The following HRC variants were observed in gnomAD, a reference collection of about 807,000 sequenced individuals.
The protein encoded by HRC is histidine rich calcium binding protein, also known as sarcoplasmic reticulum histidine-rich calcium-binding protein.
Under a neutral mutation model 61.4 loss-of-function variants are expected in HRC, and 41 were observed. The ratio of observed to expected loss-of-function variants is 0.67; its 90% CI spans 0.52 to 0.87. HRC has a LOEUF of 0.87. Ranked by LOEUF, HRC falls within the 40% of genes least tolerant of loss-of-function variation. The pLI is 0.00. For missense variants in HRC, 839 were observed against 885.8 expected (o/e 0.95, Z 0.67); for synonymous variants, 308 against 326.6 (o/e 0.94, Z 0.62).
At chr19:49,152,136 C>A (rs2041366786) in intron 3 of HRC, 78 bp from the exon 4 acceptor site, 2 of 1,394,660 alleles carry the variant, frequency 1.4e-6, no homozygotes, top group Non-Finnish European at 2.0e-6. Flanking sequence ...GGGACCAGAC[C>A]CGGACCAGAG....
rs773747345 is a variant in HRC, at chr19:49,151,259, G to C, written c.*37C>G. 1.3e-6 allele frequency: 2 copies of C among 1,517,084 alleles called. No individual in the cohort carries two copies. The highest frequency in any genetic ancestry group is 1.8e-6 in the Non-Finnish European group (2 of 1,123,620). The allele number at this position is 1,517,084 out of a possible 1,614,324, so 94.0% of individuals were successfully genotyped here. On this transcript the variant is annotated 3_prime_UTR_variant, in exon 6 of 6. Coordinates refer to ENST00000252825, the MANE Select transcript of HRC (RefSeq NM_002152.3). ...GCTCGTGGAAAGGGGTTGGAAGGCA[G>C]GGGGAGGTACACCTGCGTCGCAGTC...
Position 49,155,166 on chromosome 19 carries a change from C to G in HRC, c.72G>C (p.Pro24=). The G allele has an allele frequency of 1.2e-6, 2 of 1,613,478 alleles. No individual in the cohort carries two copies. Among genetic ancestry groups the G allele is most frequent in the South Asian group, 1.1e-5 (1 of 91,070 alleles). Residue 24 remains proline, a synonymous_variant, in exon 1 of 6, where the codon CCG becomes CCC. Coordinates refer to ENST00000252825, the MANE Select transcript of HRC (RefSeq NM_002152.3). This position sits in a 1 kb window ranked among gnomAD's most constrained non-coding sequence, Gnocchi z 4.7. ...WAGVASLLLP[P]AMTQQLRGDG... is the part of the protein sequence containing the mutation. Reference sequence around the variant, plus strand: ...CCCCTCTGAGCTGCTGGGTCATGGCCGGGGGGAGGAGCAGGCTGGCCACCC... The same window carrying G: ...CCCCTCTGAGCTGCTGGGTCATGGCGGGGGGGAGGAGCAGGCTGGCCACCC...
chr19:49,154,373 G>A lies in HRC; in HGVS notation c.865C>T (p.His289Tyr), dbSNP rs2041395743. The A allele has an allele frequency of 1.2e-6, 2 of 1,605,322 alleles. No homozygotes were observed. Among genetic ancestry groups the A allele is most frequent in the Non-Finnish European group, 1.7e-6 (2 of 1,178,676 alleles). ...EEDEDVSDGH[H>Y]HRDPSHRHRS... The stretch of plus-strand genomic sequence containing the variant: ...TGCCTGTGGCTGGGGTCGCGATGAT[G>A]GTGTCCATCTGAGACATCTTCATCC... The change falls in exon 1 of 6, where the codon CAT becomes TAT. Residue 289 changes from histidine (H) to tyrosine (Y), a missense_variant. His to Tyr is a moderately conservative substitution (Grantham distance 83, BLOSUM62 2). Coordinates refer to ENST00000252825, the MANE Select transcript of HRC (RefSeq NM_002152.3).
chr19:49,154,718 G>A lies in HRC; in HGVS notation c.520C>T (p.His174Tyr), dbSNP rs1350995457. The change falls in exon 1 of 6, where the codon CAC (histidine) becomes TAC (tyrosine). Residue 174 changes from histidine to tyrosine, a missense_variant. Coordinates refer to ENST00000252825, the MANE Select transcript of HRC (RefSeq NM_002152.3). ...DEDEVVSSEH[H>Y]HHILRHGHRG... ...TGTCCATGCCTGAGGATATGATGGT[G>A]ATGCTCACTGGACACAACTTCATCC... 1 of 1,613,886 alleles carries A rather than the reference G, an allele frequency of 6.2e-7. No homozygotes were observed. Among genetic ancestry groups the A allele is most frequent in the South Asian group, 1.1e-5 (1 of 91,056 alleles).
intron 2 of HRC, among the ~76,000 whole-genome samples, chr19:49,152,737 T>C (rs1004674446): frequency 7.0e-6 from 1 of 141,936 alleles, no homozygotes; most frequent in Admixed American, 6.8e-5. Context: ...GCCCGGCTAA[T>C]TTTTTTGTAT....
rs200626639 is a variant in HRC, at chr19:49,152,001, C to T, written c.2026+3G>A. 5 of 1,614,142 alleles carry T rather than the reference C, an allele frequency of 3.1e-6. No homozygotes were observed. In the Admixed American group the frequency reaches 5.0e-5, roughly 16 times the overall value. On this transcript the variant is annotated splice_donor_region_variant and intron_variant, in intron 4 of 5. Transcript: ENST00000252825. ...GTTTTTCCAGGGCCCCGCCCATGCT[C>T]ACCTGGAGCGCAGACCGTTTCGCAG...
rs61355957 is a variant in HRC, at chr19:49,154,453, ACATCATCAT to A, written c.776_784del (p.Asp259_Asp261del). 1,179 of 1,558,662 alleles carry A rather than the reference ACATCATCAT, an allele frequency of 7.6e-4. 4 individuals carry two copies. Among genetic ancestry groups the A allele is most frequent in the African/African-American group, 3.4e-3 (234 of 68,686 alleles). Reference sequence around the variant, plus strand: ...AGCCTGGTGTCTATATTCAATGGAGACATCATCATCATCATCATCATCATCATCATCATC... The same window carrying A: ...AGCCTGGTGTCTATATTCAATGGAGACATCATCATCATCATCATCATCATC... On this transcript the variant is annotated inframe_deletion, in exon 1 of 6. Transcript: ENST00000252825.
In HRC at chr19:49,154,821, A is replaced by G. The variant is rs777700679; in HGVS notation, c.417T>C (p.Ser139=). The G allele has an allele frequency of 6.2e-7, 1 of 1,612,782 alleles. No individual in the cohort carries two copies. The highest frequency in any genetic ancestry group is 2.2e-5 in the East Asian group (1 of 44,808). Residue 139 remains serine (S), a synonymous_variant, in exon 1 of 6, where the codon AGT becomes AGC. Coordinates refer to ENST00000252825, the MANE Select transcript of HRC (RefSeq NM_002152.3). The part of the protein sequence containing the change: ...GQARGHRGHG[S]EDTEDSAEHR... ...GCTCAGCTGAGTCTTCCGTGTCTTC[A>G]CTCCCGTGGCCTCTGTGCCCACGGG...
At position 49,153,207 on chromosome 19, in the gene HRC, C is replaced by T; in HGVS notation, c.1902+54G>A. 2 of 1,422,322 alleles carry T rather than the reference C, an allele frequency of 1.4e-6. No individual in the cohort carries two copies. Among genetic ancestry groups the T allele is most frequent in the Admixed American group, 1.7e-5 (1 of 58,302 alleles). 88.1% of individuals were successfully genotyped at this position (1,422,322 alleles called of 1,614,324 possible). On this transcript the variant is annotated intron_variant, in intron 2 of 5. Coordinates refer to ENST00000252825, the MANE Select transcript of HRC (RefSeq NM_002152.3). The surrounding 1 kb of genome is among the most constrained non-coding windows in gnomAD (Gnocchi z 4.8). ...CCTCCCACAGCACCACCCCAGGGCC[C>T]CTGGGACAGATTCTGGGGACACCTT...
intron 3 of HRC, 60 bp from the exon 4 acceptor site, chr19:49,152,118 A>G (rs1021636261): frequency 4.3e-5 from 65 of 1,504,612 alleles, no homozygotes; most frequent in Non-Finnish European, 5.8e-5. Flanking sequence ...CGGAGTTAGG[A>G]TGGGGCCGGG....
Position 49,153,335 on chromosome 19 carries a change from C to G in HRC, c.1832-4G>C. ...TACTCCTGAGCATCCTGTGGACCTG[C>G]GGGGACAGGAGGGCAGCAGTGACCC... is the stretch of plus-strand genomic sequence containing the variant. On this transcript the variant is annotated splice_region_variant and splice_polypyrimidine_tract_variant and intron_variant, in intron 1 of 5. Coordinates refer to ENST00000252825, the MANE Select transcript of HRC (RefSeq NM_002152.3). The surrounding 1 kb of genome is among the most constrained non-coding windows in gnomAD (Gnocchi z 4.8). 1 of 1,613,162 alleles carries G rather than the reference C, an allele frequency of 6.2e-7. No homozygotes were observed. The highest frequency in any genetic ancestry group is 8.5e-7 in the Non-Finnish European group (1 of 1,179,210).
Position 49,153,565 on chromosome 19 carries a change from A to G in HRC, c.1673T>C (p.Val558Ala). Reference protein sequence around the residue: ...DEERREERAEVGAPLSPDHSE... With the variant: ...DEERREERAEAGAPLSPDHSE... ...GTGGTCTGGGCTCAGTGGGGCCCCAACCTCAGCCCTCTCTTCCCTCCTCTC... is the reference window on the plus strand; with the variant it reads ...GTGGTCTGGGCTCAGTGGGGCCCCAGCCTCAGCCCTCTCTTCCCTCCTCTC... Residue 558 changes from valine (V) to alanine (A), a missense_variant, in exon 1 of 6, where the codon GTT becomes GCT. By Grantham distance (64) the Val-to-Ala change is moderately conservative. Coordinates refer to ENST00000252825, the MANE Select transcript of HRC (RefSeq NM_002152.3). This position sits in a 1 kb window ranked among gnomAD's most constrained non-coding sequence, Gnocchi z 4.8. 6.5e-7 allele frequency: 1 copy of G among 1,549,282 alleles called. No homozygotes were observed.
In HRC at chr19:49,153,468, T is replaced by G. The variant is rs757463089; in HGVS notation, c.1770A>C (p.Pro590=). ...CTCCAGCCTCCTCTCTCCTGTCCAGTGGGTTGGGGATGATGGTGAAGCGGG... is the reference window on the plus strand; with the variant it reads ...CTCCAGCCTCCTCTCTCCTGTCCAGGGGGTTGGGGATGATGGTGAAGCGGG... The part of the protein sequence containing the change: ...DEPRFTIIPN[P]LDRREEAGGA... The change falls in exon 1 of 6, where the codon CCA becomes CCC. Residue 590 remains proline, a synonymous_variant. Transcript: ENST00000252825. The surrounding 1 kb of genome is among the most constrained non-coding windows in gnomAD (Gnocchi z 4.8). 1.3e-6 allele frequency: 2 copies of G among 1,598,866 alleles called. No individual in the cohort carries two copies. Among genetic ancestry groups the G allele is most frequent in the Admixed American group, 1.7e-5 (1 of 59,084 alleles).
chr19:49,154,865 C>T lies in HRC; in HGVS notation c.373G>A (p.Ala125Thr). Residue 125 changes from alanine to threonine, a missense_variant, in exon 1 of 6, where the codon GCA (alanine) becomes ACA (threonine). Physicochemically the swap from Ala to Thr is moderately conservative, Grantham distance 58. Coordinates refer to ENST00000252825, the MANE Select transcript of HRC (RefSeq NM_002152.3). Reference sequence around the variant, plus strand: ...CCACGGGCCTGCCCACCATGCTCTGCAAAGACCTCCTCACCTGAGACACCC... The same window carrying T: ...CCACGGGCCTGCCCACCATGCTCTGTAAAGACCTCCTCACCTGAGACACCC... ...DEGVSGEEVF[A>T]EHGGQARGHR... 1 of 1,614,186 alleles carries T rather than the reference C, an allele frequency of 6.2e-7. No individual in the cohort carries two copies. The highest frequency in any genetic ancestry group is 1.6e-4 in the Middle Eastern group (1 of 6,062).
Position 49,153,357 on chromosome 19 carries a change from AC to A in HRC, c.1832-27del. 13 of 1,612,240 alleles carry A rather than the reference AC, an allele frequency of 8.1e-6. No homozygotes were observed. Among genetic ancestry groups the A allele is most frequent in the Non-Finnish European group, 1.0e-5 (12 of 1,178,380 alleles). ...CTGCGGGGACAGGAGGGCAGCAGTG[AC>A]CCAGGCTGACTCGGTTCCTTCCCAC... On this transcript the variant is annotated intron_variant, in intron 1 of 5. Transcript: ENST00000252825. This position sits in a 1 kb window ranked among gnomAD's most constrained non-coding sequence, Gnocchi z 4.8.
Position 49,151,263 on chromosome 19 carries a change from G to A in HRC, c.*33C>T, listed in dbSNP as rs1408340533. 2 of 1,524,318 alleles carry A rather than the reference G, an allele frequency of 1.3e-6. No homozygotes were observed. Among genetic ancestry groups the A allele is most frequent in the Non-Finnish European group, 1.8e-6 (2 of 1,127,532 alleles). The allele number at this position is 1,524,318 out of a possible 1,614,324, so 94.4% of individuals were successfully genotyped here. On this transcript the variant is annotated 3_prime_UTR_variant, in exon 6 of 6. Coordinates refer to ENST00000252825, the MANE Select transcript of HRC (RefSeq NM_002152.3). ...GTGGAAAGGGGTTGGAAGGCAGGGG[G>A]AGGTACACCTGCGTCGCAGTCGAGC... is the stretch of plus-strand genomic sequence containing the variant.
Position 49,154,453 on chromosome 19 carries a change from ACATCATCATCATCATCATCAT to A in HRC, c.764_784del (p.Asp255_Asp261del), listed in dbSNP as rs61355957. The stretch of plus-strand genomic sequence containing the variant: ...AGCCTGGTGTCTATATTCAATGGAG[ACATCATCATCATCATCATCAT>A]CATCATCATCATCATCATCATCGTC... On this transcript the variant is annotated inframe_deletion, in exon 1 of 6. Coordinates refer to ENST00000252825, the MANE Select transcript of HRC (RefSeq NM_002152.3). 10 of 1,558,748 alleles carry A rather than the reference ACATCATCATCATCATCATCAT, an allele frequency of 6.4e-6. No individual in the cohort carries two copies. The highest frequency in any genetic ancestry group is 2.3e-5 in the South Asian group (2 of 87,344).
In HRC at chr19:49,154,434, G is replaced by C. The variant is rs1348661552; in HGVS notation, c.804C>G (p.His268Gln). The C allele has an allele frequency of 6.3e-7, 1 of 1,586,378 alleles. No homozygotes were observed. The highest frequency in any genetic ancestry group is 1.7e-5 in the Admixed American group (1 of 58,672). The part of the protein sequence containing the change: ...DDDDVSIEYR[H>Q]QAHRHQGHGI... ...CGTGGCCTTGGTGCCTGTGAGCCTG[G>C]TGTCTATATTCAATGGAGACATCAT... The change falls in exon 1 of 6, where the codon CAC (histidine) becomes CAG (glutamine). Residue 268 changes from histidine (H) to glutamine (Q), a missense_variant. Coordinates refer to ENST00000252825, the MANE Select transcript of HRC (RefSeq NM_002152.3).
At chr19:49,151,690 C>A in intron 4 of HRC, 137 bp from the exon 5 acceptor site, 1 of 792,618 alleles carries the variant, frequency 1.3e-6, no homozygotes. Context: ...ATCCCTTCTA[C>A]CGGACCCCTT....
Sources: allele counts gnomAD v4.1 joint callset (sites outside exome capture counted in the v4.1 genomes callset), GRCh38; gene constraint gnomAD v4.1.1; non-coding constraint Gnocchi (gnomAD v3.1); transcripts MANE v1.5; gene names NCBI Gene and HGNC (gene_info 2026-07-23, HGNC 2026-07-21).